PPARGC1A: variants seen among roughly 807,000 people sequenced by gnomAD.
PPARGC1A encodes the protein peroxisome proliferator-activated receptor gamma coactivator 1-alpha.
Under a neutral mutation model 88.7 loss-of-function variants are expected in PPARGC1A, and 25 were observed. The ratio of observed to expected loss-of-function variants is 0.28; its 90% CI spans 0.21 to 0.39. The LOEUF is 0.39. PPARGC1A is among the 10% of genes least tolerant of loss of function. The pLI is 1.00. For missense variants in PPARGC1A, 880 were observed against 968.7 expected (o/e 0.91, Z 1.22); for synonymous variants, 363 against 355.6 (o/e 1.02, Z -0.24).
chr4:24,404,164 GA>G, the PPARGC1A span, among the ~76,000 whole-genome samples: 6 of 152,156 alleles, frequency 3.9e-5, no homozygotes, highest in African/African-American at 1.4e-4. Context: ...TCAGGAGGCT[GA>G]GGCAGGAGAA....
At chr4:23,974,693 C>A in the PPARGC1A span, among the ~76,000 whole-genome samples, 3 of 149,908 alleles carry the variant, frequency 2.0e-5, no homozygotes, top group African/African-American at 7.4e-5. Flanking sequence ...AGTGCAGTGG[C>A]GTGATCTCCG....
the PPARGC1A span, among the ~76,000 whole-genome samples, chr4:24,470,688 A>T: frequency 5.3e-5 from 8 of 151,526 alleles, no homozygotes; most frequent in East Asian, 1.6e-3. This position sits in a 1 kb window ranked among gnomAD's most constrained non-coding sequence, Gnocchi z 5.8. Context: ...CGGCCGGCGT[A>T]CTTCCCGGGG....
At chr4:23,913,818 C>T in the PPARGC1A span, among the ~76,000 whole-genome samples, 2 of 152,122 alleles carry the variant, frequency 1.3e-5, no homozygotes, top group Non-Finnish European at 2.9e-5. Context: ...GCTACTAGAG[C>T]CTCACAGAGG....
At chr4:24,409,626 G>A in the PPARGC1A span, among the ~76,000 whole-genome samples, 1 of 152,134 alleles carries the variant, frequency 6.6e-6, no homozygotes, top group South Asian at 2.1e-4. Context: ...TTAAATTTCT[G>A]TTCTTTTCTC....
At chr4:23,994,162 C>G in the PPARGC1A span, among the ~76,000 whole-genome samples, 1 of 152,148 alleles carries the variant, frequency 6.6e-6, no homozygotes, top group South Asian at 2.1e-4. Flanking sequence ...TACTAATATT[C>G]TGGACATTTC....
chr4:24,202,069 T>C, the PPARGC1A span, among the ~76,000 whole-genome samples: 2 of 151,922 alleles, frequency 1.3e-5, no homozygotes, highest in African/African-American at 4.8e-5. Context: ...ACCCAGCTAA[T>C]TTTTGTATTT....
the PPARGC1A span, among the ~76,000 whole-genome samples, chr4:24,158,017 A>G: frequency 6.6e-6 from 1 of 152,114 alleles, no homozygotes; most frequent in African/African-American, 2.4e-5. Context: ...AGGCTTAGGA[A>G]TGCCGCCATG....
At chr4:23,955,931 C>A in the PPARGC1A span, among the ~76,000 whole-genome samples, 4 of 152,026 alleles carry the variant, frequency 2.6e-5, no homozygotes, top group Non-Finnish European at 4.4e-5. Context: ...AGCCAGATTG[C>A]AAATTTTTCA....
chr4:24,377,302 G>T, the PPARGC1A span, among the ~76,000 whole-genome samples: 3 of 152,030 alleles, frequency 2.0e-5, no homozygotes, highest in South Asian at 6.2e-4. Context: ...CGGGGTAGGG[G>T]ATCAGGGAGG....
the PPARGC1A span, among the ~76,000 whole-genome samples, chr4:23,939,109 C>G: frequency 6.6e-6 from 1 of 152,036 alleles, no homozygotes; most frequent in African/African-American, 2.4e-5. Flanking sequence ...CATACAATTA[C>G]TCAAATAAGG....
chr4:23,922,683 G>T, the PPARGC1A span, among the ~76,000 whole-genome samples: 1 of 152,206 alleles, frequency 6.6e-6, no homozygotes, highest in Non-Finnish European at 1.5e-5. Flanking sequence ...ACAATGGAAT[G>T]CTTCAATGAA....
chr4:23,852,572 C>A (rs1319110221), intron 2 of PPARGC1A, among the ~76,000 whole-genome samples: 1 of 152,086 alleles, frequency 6.6e-6, no homozygotes, highest in Non-Finnish European at 1.5e-5. Flanking sequence ...AAAATCCACC[C>A]TCCCCCATTT....
the PPARGC1A span, among the ~76,000 whole-genome samples, chr4:24,162,454 C>T: frequency 6.6e-6 from 1 of 152,116 alleles, no homozygotes; most frequent in East Asian, 1.9e-4. Context: ...CACAGTGGGC[C>T]TTGGACAAGT....
chr4:24,056,663 C>G, the PPARGC1A span, among the ~76,000 whole-genome samples: 3 of 152,194 alleles, frequency 2.0e-5, no homozygotes, highest in African/African-American at 7.2e-5. Flanking sequence ...TTTGACATCT[C>G]CAAGCCTTAA....
chr4:24,419,057 GA>G, the PPARGC1A span, among the ~76,000 whole-genome samples: 10 of 151,582 alleles, frequency 6.6e-5, no homozygotes, highest in Admixed American at 2.0e-4. Flanking sequence ...ATTCAAAAAG[GA>G]AAAAAAATAC....
chr4:24,352,301 T>C, the PPARGC1A span, among the ~76,000 whole-genome samples: 1 of 152,026 alleles, frequency 6.6e-6, no homozygotes, highest in Non-Finnish European at 1.5e-5. Flanking sequence ...AGCACAGGGA[T>C]GTAAGGCGCC....
chr4:23,844,524 T>A (rs1727734837), intron 2 of PPARGC1A, among the ~76,000 whole-genome samples: 1 of 103,608 alleles, frequency 9.7e-6, no homozygotes, highest in Non-Finnish European at 1.8e-5. Context: ...AATAATCACA[T>A]AATATAATCA....
the PPARGC1A span, among the ~76,000 whole-genome samples, chr4:24,008,940 G>A: frequency 6.6e-6 from 1 of 151,900 alleles, no homozygotes; most frequent in Non-Finnish European, 1.5e-5. Flanking sequence ...TTTTCCCGCG[G>A]TTTATATATC....
the PPARGC1A span, among the ~76,000 whole-genome samples, chr4:23,980,083 T>G: frequency 0.6 from 90,454 of 151,322 alleles, 27,336 homozygotes; most frequent in Admixed American, 0.64. Flanking sequence ...TGGTTCTTCA[T>G]GTTTTCCTCT....
Sources: gnomAD v4.1 joint callset for allele counts (sites outside exome capture counted in the v4.1 genomes callset) on GRCh38, gnomAD v4.1.1 for gene constraint, Gnocchi (gnomAD v3.1) non-coding constraint, MANE v1.5 for transcripts, NCBI Gene and HGNC (gene_info 2026-07-23, HGNC 2026-07-21) for gene names.